Variants in PBX3 observed in about 807,000 individuals in gnomAD.
The protein encoded by PBX3 is PBX homeobox 3, also known as pre-B-cell leukemia transcription factor 3.
In PBX3, 14 loss-of-function variants were observed where a neutral mutation model predicts 48.5. That is an observed-to-expected ratio of 0.29 (90% confidence interval 0.19 to 0.45). The LOEUF is 0.45. Among genes scored for constraint, PBX3 ranks in the 20% least tolerant of loss-of-function variants. The probability of loss-of-function intolerance (pLI) is 1.00; values close to 1 mark genes in which losing one functional copy is unlikely to be tolerated. For synonymous variants in PBX3, 210 were observed against 200.3 expected (o/e 1.05, Z -0.41); for missense variants, 386 against 546.7 (o/e 0.71, Z 2.93).
intron 2 of PBX3, among the ~76,000 whole-genome samples, chr9:125,906,725 A>G (rs977450749): frequency 2.6e-5 from 4 of 152,006 alleles, no homozygotes; most frequent in African/African-American, 9.7e-5. Flanking sequence ...CTGACCAAAA[A>G]TTTTGTATTA....
At chr9:125,749,478 AT>A (rs1002016092) in intron 2 of PBX3, 2 of 151,588 alleles carry the variant, frequency 1.3e-5, no homozygotes, top group African/African-American at 4.8e-5. Flanking sequence ...TTTAGTTTGT[AT>A]TTGGCATTAT....
At chr9:125,804,917 A>AGATGAGGCTGAGATCAT (rs879326095) in intron 2 of PBX3, among the ~76,000 whole-genome samples, 1 of 147,048 alleles carries the variant, frequency 6.8e-6, no homozygotes, top group Non-Finnish European at 1.5e-5. Flanking sequence ...ACTGCACTCC[A>AGATGAGGCTGAGATCAT]GCCTGGGTGA....
intron 2 of PBX3, among the ~76,000 whole-genome samples, chr9:125,767,915 AG>A (rs1448075557): frequency 6.6e-6 from 1 of 152,124 alleles, no homozygotes; most frequent in African/African-American, 2.4e-5. Context: ...AGGCAGGAGC[AG>A]GCTAGCAATG....
At chr9:125,853,749 G>A (rs1045220910) in intron 2 of PBX3, among the ~76,000 whole-genome samples, 1 of 152,180 alleles carries the variant, frequency 6.6e-6, no homozygotes, top group African/African-American at 2.4e-5. Context: ...ATGTGTACCT[G>A]CTGTTTTTCA....
intron 2 of PBX3, among the ~76,000 whole-genome samples, chr9:125,832,344 C>G (rs1056446209): frequency 1.3e-4 from 20 of 151,858 alleles, no homozygotes; most frequent in African/African-American, 4.6e-4. Flanking sequence ...TACAGGCGCC[C>G]GCCACCACGC....
At chr9:125,764,110 C>T (rs564792654) in intron 2 of PBX3, among the ~76,000 whole-genome samples, 2 of 152,190 alleles carry the variant, frequency 1.3e-5, no homozygotes, top group East Asian at 3.8e-4. Context: ...GCTTAGTTTT[C>T]TAAAGACTGC....
Position 125,929,795 on chromosome 9 carries a change from A to G in PBX3, c.657A>G (p.Gln219=). Residue 219 remains glutamine (Q), a synonymous_variant, in exon 4 of 9, where the codon CAA becomes CAG. Coordinates refer to ENST00000373489, the MANE Select transcript of PBX3 (RefSeq NM_006195.6). ...KFSSIQMQLK[Q]STCEAVMILR... ...GTTCCATTCAGATGCAGCTCAAACAAAGCACTTGTGAAGCAGTTATGATTT... is the reference window on the plus strand; with the variant it reads ...GTTCCATTCAGATGCAGCTCAAACAGAGCACTTGTGAAGCAGTTATGATTT... The G allele has an allele frequency of 1.2e-6, 2 of 1,614,140 alleles. No individual in the cohort carries two copies. The highest frequency in any genetic ancestry group is 1.7e-6 in the Non-Finnish European group (2 of 1,180,008).
chr9:125,748,502 T>C (rs1203801834), intron 1 of PBX3, 48 bp from the exon 2 acceptor site: 2 of 1,600,530 alleles, frequency 1.2e-6, no homozygotes, highest in Non-Finnish European at 1.7e-6. Flanking sequence ...CGCCATATTA[T>C]TCCATAGGTG....
intron 2 of PBX3, among the ~76,000 whole-genome samples, chr9:125,838,050 A>G (rs904099360): frequency 2.0e-5 from 3 of 152,138 alleles, no homozygotes; most frequent in Admixed American, 6.5e-5. Context: ...AAAAGGTTGT[A>G]CCATCTTTTC....
chr9:125,755,146 G>A (rs1348422356), intron 2 of PBX3, among the ~76,000 whole-genome samples: 1 of 151,774 alleles, frequency 6.6e-6, no homozygotes, highest in Non-Finnish European at 1.5e-5. Context: ...TATTTCTTAG[G>A]CTTCAGAGTC....
At chr9:125,775,579 C>T (rs538383949) in intron 2 of PBX3, among the ~76,000 whole-genome samples, 7 of 152,258 alleles carry the variant, frequency 4.6e-5, no homozygotes, top group Non-Finnish European at 8.8e-5. Context: ...TTTCTGGATT[C>T]GTAGTTCTAT....
chr9:125,920,404 A>C (rs1184403180), intron 3 of PBX3, among the ~76,000 whole-genome samples: 1 of 152,188 alleles, frequency 6.6e-6, no homozygotes, highest in Non-Finnish European at 1.5e-5. Context: ...TAAGAAGTAA[A>C]GGCCTCCTAT....
rs117738008 is a variant in PBX3, at chr9:125,790,183, T to A, written c.274+41560T>A. Among the ~76,000 whole-genome samples the A allele has an allele frequency of 2.0e-4, 30 of 152,348 alleles. No homozygotes were observed. In the East Asian group the frequency reaches 5.8e-3, roughly 29 times the overall value. On this transcript the variant is annotated intron_variant, in intron 2 of 8. Transcript: ENST00000373489. ...TAGTCAACTGTGTATGAGGGAAAGATAATTTTGATCTCTAATATCTGACAG... is the reference window on the plus strand; with the variant it reads ...TAGTCAACTGTGTATGAGGGAAAGAAAATTTTGATCTCTAATATCTGACAG...
At chr9:125,855,707 G>A (rs1588224516) in intron 2 of PBX3, among the ~76,000 whole-genome samples, 1 of 152,132 alleles carries the variant, frequency 6.6e-6, no homozygotes, top group African/African-American at 2.4e-5. Context: ...TCCCCTGTTT[G>A]GATAGATGCA....
At chr9:125,938,116 G>C (rs1841879076) in intron 5 of PBX3, among the ~76,000 whole-genome samples, 1 of 152,124 alleles carries the variant, frequency 6.6e-6, no homozygotes, top group South Asian at 2.1e-4. Context: ...ATTTTTACTA[G>C]ATTTAGAATA....
chr9:125,915,758 T>C lies in PBX3; in HGVS notation c.347T>C (p.Leu116Ser). ...PQLMRLDNML[L>S]AEGVSGPEKG... ...CTAATGAGACTGGACAATATGCTTTTGGCAGAAGGGGTTTCAGGTCCTGAG... is the reference window on the plus strand; with the variant it reads ...CTAATGAGACTGGACAATATGCTTTCGGCAGAAGGGGTTTCAGGTCCTGAG... The change falls in exon 3 of 9, where the codon TTG becomes TCG. Residue 116 changes from leucine (L) to serine (S), a missense_variant. By Grantham distance (145) the Leu-to-Ser change is moderately radical. Around this residue, in one of 4 missense-constraint regions of PBX3, gnomAD observed 69 missense variants for 99.1 expected, o/e 0.70. Transcript: ENST00000373489. 6.2e-7 allele frequency: 1 copy of C among 1,614,110 alleles called. No individual in the cohort carries two copies. Among genetic ancestry groups the C allele is most frequent in the Non-Finnish European group, 8.5e-7 (1 of 1,180,024 alleles).
chr9:125,889,796 C>T (rs1840592518), intron 2 of PBX3, among the ~76,000 whole-genome samples: 2 of 149,094 alleles, frequency 1.3e-5, no homozygotes, highest in Admixed American at 1.3e-4. Context: ...CCGGCGCGAA[C>T]GCGGGAGGGG....
chr9:125,878,691 T>C (rs1468773340), intron 2 of PBX3, among the ~76,000 whole-genome samples: 5 of 152,238 alleles, frequency 3.3e-5, no homozygotes, highest in Non-Finnish European at 5.9e-5. Context: ...TGGATGCTGA[T>C]GATGTTCACA....
intron 2 of PBX3, among the ~76,000 whole-genome samples, chr9:125,854,482 T>C (rs1839669419): frequency 6.6e-6 from 1 of 152,122 alleles, no homozygotes. Flanking sequence ...GGACACCCCC[T>C]GCTTCCCAAA....
Sources: allele counts gnomAD v4.1 joint callset (sites outside exome capture counted in the v4.1 genomes callset), GRCh38; gene constraint gnomAD v4.1.1; regional missense constraint gnomAD v4.1.1; transcripts MANE v1.5; gene names NCBI Gene and HGNC (gene_info 2026-07-23, HGNC 2026-07-21).